The following WWOX variants were observed in gnomAD, a reference collection of about 807,000 sequenced individuals.
The protein encoded by WWOX is WW domain-containing oxidoreductase.
WWOX carries 69 observed loss-of-function variants against 46.2 expected under a neutral mutation model. The ratio of observed to expected loss-of-function variants is 1.49; its 90% confidence interval spans 1.23 to 1.82. The LOEUF (loss-of-function observed/expected upper bound fraction) is 1.82. Ranked by LOEUF, WWOX falls within the 40% of genes most tolerant of loss-of-function variation. The pLI is 0.00. For synonymous variants in WWOX, 359 were observed against 202.6 expected, an observed-to-expected ratio of 1.77 and a Z score of -6.56; for missense variants, 919 against 542.6, an observed-to-expected ratio of 1.69 and a Z score of -6.89.
At chr16:78,556,221 A>G (rs2044293022) in intron 8 of WWOX, among the ~76,000 whole-genome samples, 1 of 151,906 alleles carries the variant, frequency 6.6e-6, no homozygotes, top group Non-Finnish European at 1.5e-5. Flanking sequence ...ATCAGATGCA[A>G]GGGAGTTTGG....
chr16:78,208,455 C>G (rs2036462228), intron 5 of WWOX, among the ~76,000 whole-genome samples: 1 of 152,112 alleles, frequency 6.6e-6, no homozygotes, highest in Non-Finnish European at 1.5e-5. Flanking sequence ...TAGGACTAGA[C>G]AAATCAAATT....
chr16:78,994,941 T>C (rs966844091), intron 8 of WWOX, among the ~76,000 whole-genome samples: 14 of 150,730 alleles, frequency 9.3e-5, no homozygotes, highest in East Asian at 2.0e-4. Context: ...AGCCTTTTTT[T>C]TTTCTTTCTT....
chr16:78,101,000 C>G (rs974390597), intron 1 of WWOX, among the ~76,000 whole-genome samples: 1 of 151,606 alleles, frequency 6.6e-6, no homozygotes, highest in Admixed American at 6.6e-5. Flanking sequence ...ATCTGGGAAA[C>G]TTTTTTTGTA....
chr16:78,171,673 G>A (rs2161636), intron 5 of WWOX, among the ~76,000 whole-genome samples: 2,721 of 152,244 alleles, frequency 0.018, 41 homozygotes, highest in Non-Finnish European at 0.028. Context: ...ACCGGGAAGA[G>A]CGCATCCTAA....
At chr16:78,820,689 G>A (rs1290424645) in intron 8 of WWOX, among the ~76,000 whole-genome samples, 1 of 152,118 alleles carries the variant, frequency 6.6e-6, no homozygotes, top group Non-Finnish European at 1.5e-5. Flanking sequence ...TGTGTTTCCT[G>A]GGCCTGCCAT....
chr16:78,380,832 C>G (rs1468179568), intron 5 of WWOX, among the ~76,000 whole-genome samples: 2 of 152,090 alleles, frequency 1.3e-5, no homozygotes, highest in African/African-American at 4.8e-5. Context: ...AAGGGAGACC[C>G]ACAGTTATTA....
chr16:78,621,077 C>T (rs1168934699), intron 8 of WWOX, among the ~76,000 whole-genome samples: 1 of 152,176 alleles, frequency 6.6e-6, no homozygotes. Context: ...TTTCTCTTCT[C>T]CTGCTGCCAC....
chr16:79,019,154 T>C (rs2047476962), intron 8 of WWOX, among the ~76,000 whole-genome samples: 1 of 37,104 alleles, frequency 2.7e-5, no homozygotes, highest in African/African-American at 1.9e-4. Flanking sequence ...TGCGACCTTG[T>C]CTCAAAAAAA....
At chr16:78,868,575 A>G (rs1206565617) in intron 8 of WWOX, among the ~76,000 whole-genome samples, 1 of 152,258 alleles carries the variant, frequency 6.6e-6, no homozygotes, top group African/African-American at 2.4e-5. Context: ...CCATTAAATC[A>G]GGTGACTGAG....
intron 5 of WWOX, among the ~76,000 whole-genome samples, chr16:78,374,931 C>G (rs1408455608): frequency 2.0e-5 from 3 of 152,112 alleles, no homozygotes; most frequent in African/African-American, 7.2e-5. Flanking sequence ...GGTGATCTGC[C>G]TACCTCGGCC....
At chr16:78,864,801 TGCC>T (rs1459287456) in intron 8 of WWOX, among the ~76,000 whole-genome samples, 3 of 134,832 alleles carry the variant, frequency 2.2e-5, no homozygotes, top group Non-Finnish European at 4.6e-5. Context: ...CTCACTCTAT[TGCC>T]CAGGCTGGAG....
chr16:78,473,832 T>G (rs981277828), intron 8 of WWOX, among the ~76,000 whole-genome samples: 2 of 151,852 alleles, frequency 1.3e-5, no homozygotes, highest in Non-Finnish European at 3.0e-5. Context: ...GATCCAGCTG[T>G]TGCATGGTGT....
chr16:78,896,916 C>T (rs1048365587), intron 8 of WWOX: 2 of 151,838 alleles, frequency 1.3e-5, no homozygotes, highest in Non-Finnish European at 2.9e-5. Flanking sequence ...CATGGATCCA[C>T]CACCCCAGTT....
intron 8 of WWOX, among the ~76,000 whole-genome samples, chr16:78,484,573 A>C (rs557386579): frequency 2.6e-5 from 4 of 152,252 alleles, no homozygotes; most frequent in Non-Finnish European, 5.9e-5. Flanking sequence ...ATACTTAAGC[A>C]GAAGTTGGGT....
At position 78,495,145 on chromosome 16, in the gene WWOX, C is replaced by CTTTTTTTTTTTTTT. The variant is rs71140804; in HGVS notation, c.1056+62394_1056+62407dup. ...AAGATTAGTAGTAGACTGTTGTGTT[C>CTTTTTTTTTTTTTT]TTTTTTTTTTTTTTGAGATAGACTC... On this transcript the variant is annotated intron_variant, in intron 8 of 8. Coordinates refer to ENST00000566780, the MANE Select transcript of WWOX (RefSeq NM_016373.4). Among the ~76,000 whole-genome samples, 21 of 116,608 alleles carry CTTTTTTTTTTTTTT rather than the reference C, an allele frequency of 1.8e-4. 2 individuals carry two copies. Among genetic ancestry groups the CTTTTTTTTTTTTTT allele is most frequent in the East Asian group, 2.6e-4 (1 of 3,824 alleles). 76.5% of individuals were successfully genotyped at this position (116,608 alleles called of 152,430 possible). A position where few individuals can be genotyped will look rare whatever the true frequency, so the allele number is the denominator to read the frequency against.
chr16:78,595,164 C>G (rs1393721376), intron 8 of WWOX, among the ~76,000 whole-genome samples: 1 of 152,238 alleles, frequency 6.6e-6, no homozygotes, highest in South Asian at 2.1e-4. Context: ...GATGGGTAGA[C>G]ATATACTTCA....
chr16:78,278,190 T>A (rs2079613389), intron 5 of WWOX, among the ~76,000 whole-genome samples: 1 of 152,200 alleles, frequency 6.6e-6, no homozygotes, highest in South Asian at 2.1e-4. Flanking sequence ...TGTAGTCTAT[T>A]AAGAGTTTGT....
chr16:78,208,409 G>A lies in WWOX; in HGVS notation c.516+44120G>A, dbSNP rs1250108636. ...TACCGTTACATATGTATATGAAACG[G>A]TGAGAAACTGCGTATTTATTAAGAG... On this transcript the variant is annotated intron_variant, in intron 5 of 8. Transcript: ENST00000566780. 6.6e-5 allele frequency among the ~76,000 whole-genome samples: 10 copies of A among 152,258 alleles called. No homozygotes were observed. The South Asian group carries it at 2.1e-3, about 32-fold the overall frequency.
chr16:79,134,381 G>C (rs999611422), intron 8 of WWOX, among the ~76,000 whole-genome samples: 10 of 152,140 alleles, frequency 6.6e-5, no homozygotes, highest in African/African-American at 2.4e-4. Flanking sequence ...GCAACAGGCA[G>C]CCCAGCATGG....
Sources: gnomAD v4.1 joint callset for allele counts (sites outside exome capture counted in the v4.1 genomes callset) on GRCh38, gnomAD v4.1.1 for gene constraint, MANE v1.5 for transcripts, NCBI Gene and HGNC (gene_info 2026-07-23, HGNC 2026-07-21) for gene names.